The following TENM4 variants were observed in gnomAD, a reference collection of about 807,000 sequenced individuals.
TENM4 encodes teneurin-4.
In TENM4, 82 loss-of-function variants were observed where a neutral mutation model predicts 243.3. The observed-to-expected ratio is 0.34, with a 90% CI of 0.28 to 0.40. The LOEUF is 0.40. Ranked by LOEUF, TENM4 falls within the 10% of genes least tolerant of loss-of-function variation. The pLI, the probability that TENM4 is intolerant of heterozygous loss-of-function variation, is 1.00. For synonymous variants in TENM4, 1,412 were observed against 1,456.3 expected (o/e 0.97, Z 0.69); for missense variants, 3,138 against 3,673.3 (o/e 0.85, Z 3.77).
intron 1 of TENM4, among the ~76,000 whole-genome samples, chr11:79,401,174 T>C (rs1858453807): frequency 6.6e-6 from 1 of 152,196 alleles, no homozygotes; most frequent in African/African-American, 2.4e-5. Context: ...CACCTTTTTG[T>C]TTTCCTGCCT....
At chr11:78,998,963 G>A (rs1858245165) in intron 6 of TENM4, among the ~76,000 whole-genome samples, 1 of 152,182 alleles carries the variant, frequency 6.6e-6, no homozygotes, top group South Asian at 2.1e-4. Flanking sequence ...GAAATCAAAA[G>A]CCAGACAGGT....
Position 79,342,482 on chromosome 11 carries a change from G to C in TENM4, c.-320-44939C>G, listed in dbSNP as rs149902605. Among the ~76,000 whole-genome samples, 14 of 152,192 alleles carry C rather than the reference G, an allele frequency of 9.2e-5. No homozygotes were observed. In the East Asian group the frequency reaches 2.7e-3, roughly 30 times the overall value. Reference sequence around the variant, plus strand: ...GAGGGATGGTGGCTGGGAGTACAGCGGGCCACACAGAAATAAGGAACTGCG... The same window carrying C: ...GAGGGATGGTGGCTGGGAGTACAGCCGGCCACACAGAAATAAGGAACTGCG... On this transcript the variant is annotated intron_variant, in intron 1 of 33. Coordinates refer to ENST00000278550, the MANE Select transcript of TENM4 (RefSeq NM_001098816.3).
At chr11:78,985,478 G>A (rs576708627) in intron 6 of TENM4, among the ~76,000 whole-genome samples, 12 of 152,248 alleles carry the variant, frequency 7.9e-5, no homozygotes, top group South Asian at 4.1e-4. Flanking sequence ...CCTGATAGGC[G>A]TAAAATAGTT....
Position 78,855,947 on chromosome 11 carries a change from T to G in TENM4, c.1470+17A>C. On this transcript the variant is annotated intron_variant, in intron 11 of 33. Coordinates refer to ENST00000278550, the MANE Select transcript of TENM4 (RefSeq NM_001098816.3). ...GGAGCCCATGCAGATCAACAGGGTA[T>G]GTGGGGTTCTGGTTACCTGTGTATG... 1 of 1,550,266 alleles carries G rather than the reference T, an allele frequency of 6.5e-7. No individual in the cohort carries two copies. Among genetic ancestry groups the G allele is most frequent in the South Asian group, 1.2e-5 (1 of 84,006 alleles).
intron 6 of TENM4, among the ~76,000 whole-genome samples, chr11:78,961,436 T>G (rs1184051606): frequency 6.6e-6 from 1 of 152,150 alleles, no homozygotes; most frequent in Non-Finnish European, 1.5e-5. Context: ...TACAAGCTGG[T>G]CACCCTGGAG....
chr11:79,092,987 T>C (rs138050758), intron 4 of TENM4: 12 of 152,248 alleles, frequency 7.9e-5, no homozygotes, highest in Non-Finnish European at 1.5e-4. Context: ...CAGAATTACA[T>C]GTCAAGAGTA....
At chr11:78,660,239 T>G (rs538686184) in intron 33 of TENM4, among the ~76,000 whole-genome samples, 3 of 152,320 alleles carry the variant, frequency 2.0e-5, no homozygotes, top group African/African-American at 7.2e-5. Context: ...CAGGCAGACT[T>G]GGGTTCTCCA....
intron 1 of TENM4, among the ~76,000 whole-genome samples, chr11:79,344,912 G>A (rs1857301741): frequency 1.3e-5 from 2 of 152,184 alleles, no homozygotes; most frequent in Non-Finnish European, 2.9e-5. Context: ...TCACTTCTTA[G>A]TCAGATGCAA....
intron 6 of TENM4, among the ~76,000 whole-genome samples, chr11:78,939,230 G>A (rs762211072): frequency 2.0e-5 from 3 of 152,156 alleles, no homozygotes; most frequent in East Asian, 3.9e-4. Context: ...CTCCACATAC[G>A]GCTGAGCTTT....
intron 1 of TENM4, among the ~76,000 whole-genome samples, chr11:79,424,181 G>A (rs575504165): frequency 1.3e-5 from 2 of 152,292 alleles, no homozygotes; most frequent in African/African-American, 4.8e-5. Context: ...GGCAATGTCT[G>A]TCAACATTTT....
chr11:79,407,676 A>G (rs1026956778), intron 1 of TENM4, among the ~76,000 whole-genome samples: 2 of 152,224 alleles, frequency 1.3e-5, no homozygotes, highest in African/African-American at 2.4e-5. Flanking sequence ...TATCACTTTA[A>G]TTACATTCAC....
chr11:79,270,221 TG>T (rs1855946728), intron 2 of TENM4, among the ~76,000 whole-genome samples: 1 of 152,140 alleles, frequency 6.6e-6, no homozygotes, highest in African/African-American at 2.4e-5. Context: ...GGAGCCAGTT[TG>T]GGTTGTTAAC....
intron 1 of TENM4, among the ~76,000 whole-genome samples, chr11:79,408,854 G>A (rs1858627759): frequency 6.6e-6 from 1 of 152,190 alleles, no homozygotes; most frequent in Non-Finnish European, 1.5e-5. Context: ...AGGTGGTACA[G>A]AAGGACTTGT....
intron 15 of TENM4, among the ~76,000 whole-genome samples, chr11:78,789,735 C>T (rs1454671075): frequency 3.9e-5 from 6 of 152,210 alleles, no homozygotes; most frequent in Non-Finnish European, 7.3e-5. Flanking sequence ...CAGCAGAGCA[C>T]ATGGAGCCCA....
At chr11:79,212,032 T>C (rs1330716092) in intron 3 of TENM4, among the ~76,000 whole-genome samples, 3 of 152,234 alleles carry the variant, frequency 2.0e-5, no homozygotes, top group African/African-American at 7.2e-5. Flanking sequence ...TGTTTTTGCA[T>C]GTGGACATTT....
chr11:79,340,328 G>A (rs1317060437), intron 1 of TENM4, among the ~76,000 whole-genome samples: 4 of 152,128 alleles, frequency 2.6e-5, no homozygotes, highest in Admixed American at 1.3e-4. Context: ...GGGGTCAGGG[G>A]GAGTCTGGAG....
chr11:78,661,538 C>T lies in TENM4; in HGVS notation c.7462G>A (p.Gly2488Ser). Residue 2488 changes from glycine to serine, a missense_variant, in exon 33 of 34, where the codon GGT (glycine) becomes AGT (serine). This residue lies in a region of TENM4 where 2,467 missense variants were observed against 3,059.1 expected (regional missense o/e 0.81). Coordinates refer to ENST00000278550, the MANE Select transcript of TENM4 (RefSeq NM_001098816.3). ...GCATCCATGTCTGGTTTGGGATAAC[C>T]AGGGATCACGTTGTGTAGCTGGAAT... The part of the protein sequence containing the change: ...FGFQLHNVIP[G>S]YPKPDMDAME... 6.2e-7 allele frequency: 1 copy of T among 1,613,174 alleles called. No homozygotes were observed. Among genetic ancestry groups the T allele is most frequent in the Non-Finnish European group, 8.5e-7 (1 of 1,179,670 alleles).
At chr11:79,044,007 ACTTCATG>A (rs1311904742) in intron 6 of TENM4, among the ~76,000 whole-genome samples, 2 of 152,122 alleles carry the variant, frequency 1.3e-5, no homozygotes, top group African/African-American at 4.8e-5. Flanking sequence ...CTGACTTTGA[ACTTCATG>A]CTTCCAGGGT....
chr11:79,070,148 G>A, intron 4 of TENM4, 139 bp from the exon 5 acceptor site: 9 of 1,099,578 alleles, frequency 8.2e-6, no homozygotes, highest in Non-Finnish European at 1.1e-5. Flanking sequence ...CCACCACTAC[G>A]CAGCCCATAA....
Sources: gnomAD v4.1 joint callset for allele counts (sites outside exome capture counted in the v4.1 genomes callset) on GRCh38, gnomAD v4.1.1 for gene constraint, gnomAD v4.1.1 regional missense constraint, MANE v1.5 for transcripts, NCBI Gene and HGNC (gene_info 2026-07-23, HGNC 2026-07-21) for gene names.